Variants in CNOT4 observed in about 807,000 individuals in gnomAD.
CNOT4 encodes the protein CCR4-associated factor 4.
CNOT4 carries 8 observed loss-of-function variants against 73.8 expected under a neutral mutation model. The ratio of observed to expected loss-of-function variants is 0.11; its 90% CI spans 0.06 to 0.20. CNOT4 has a LOEUF of 0.20. Among genes scored for constraint, CNOT4 ranks in the 10% least tolerant of loss-of-function variants. The probability of loss-of-function intolerance (pLI) is 1.00; values close to 1 mark genes in which losing one functional copy is unlikely to be tolerated. For missense variants in CNOT4, 564 were observed against 883.4 expected (o/e 0.64, Z 4.58); for synonymous variants, 293 against 321.1 (o/e 0.91, Z 0.94).
intron 6 of CNOT4, among the ~76,000 whole-genome samples, chr7:135,411,130 ATTCTT>A (rs1797567638): frequency 6.6e-6 from 1 of 152,054 alleles, no homozygotes; most frequent in African/African-American, 2.4e-5. Context: ...GTTTTACTAT[ATTCTT>A]CATTATCTTG....
chr7:135,509,601 CA>C (rs1804611171), intron 1 of CNOT4: 1 of 154,692 alleles, frequency 6.5e-6, no homozygotes, highest in Non-Finnish European at 1.4e-5. Flanking sequence ...AGCTGGAGAC[CA>C]AAAGCCGCCT....
In CNOT4 at chr7:135,376,565, T is replaced by G. The variant is rs567112479; in HGVS notation, c.1628-12499A>C. On this transcript the variant is annotated intron_variant, in intron 10 of 11. Transcript: ENST00000541284. Reference sequence around the variant, plus strand: ...GTGCTTCCTATACAGCAAATCCCTTTATGGTTATATACCTATTGAAATTCC... The same window carrying G: ...GTGCTTCCTATACAGCAAATCCCTTGATGGTTATATACCTATTGAAATTCC... Among the ~76,000 whole-genome samples the G allele has an allele frequency of 3.7e-4, 57 of 152,312 alleles. 1 individual carries two copies. Among genetic ancestry groups the G allele is most frequent in the African/African-American group, 1.3e-3 (56 of 41,574 alleles).
At chr7:135,384,101 A>G (rs1007545130) in intron 10 of CNOT4, among the ~76,000 whole-genome samples, 1 of 151,948 alleles carries the variant, frequency 6.6e-6, no homozygotes, top group African/African-American at 2.4e-5. Flanking sequence ...TATTCTCACA[A>G]AAGACTTTTT....
intron 2 of CNOT4, among the ~76,000 whole-genome samples, chr7:135,424,162 G>GTA (rs1449111571): frequency 1.3e-5 from 2 of 151,172 alleles, no homozygotes; most frequent in African/African-American, 4.9e-5. Flanking sequence ...ATCTATTAAG[G>GTA]TAAGTTCAGT....
At chr7:135,507,389 T>C (rs1000123146) in intron 1 of CNOT4, among the ~76,000 whole-genome samples, 7 of 152,132 alleles carry the variant, frequency 4.6e-5, no homozygotes, top group African/African-American at 1.7e-4. Context: ...TAACGTTAGA[T>C]CAAAAAACTA....
chr7:135,491,802 G>A (rs1158790982), intron 1 of CNOT4, among the ~76,000 whole-genome samples: 1 of 152,178 alleles, frequency 6.6e-6, no homozygotes. Context: ...AGAGAGAAGG[G>A]AGAATGGCTA....
chr7:135,438,532 T>C, intron 1 of CNOT4, 109 bp from the exon 2 acceptor site: 1 of 392,864 alleles, frequency 2.5e-6, no homozygotes, highest in Non-Finnish European at 4.5e-6. Context: ...GAGCAACTAC[T>C]GTTATCAACC....
intron 7 of CNOT4, among the ~76,000 whole-genome samples, chr7:135,407,574 A>G (rs1797361216): frequency 6.6e-6 from 1 of 152,240 alleles, no homozygotes; most frequent in African/African-American, 2.4e-5. Context: ...TAGCCTAAGC[A>G]TTTTTCAAAT....
At position 135,362,565 on chromosome 7, in the gene CNOT4, T is replaced by C. The variant is rs1794694514; in HGVS notation, c.*320A>G. Reference sequence around the variant, plus strand: ...TTTTCTGCTAAGCAGATTATGTCATTATTATGCGCAACAGACAAACAATAA... The same window carrying C: ...TTTTCTGCTAAGCAGATTATGTCATCATTATGCGCAACAGACAAACAATAA... On this transcript the variant is annotated 3_prime_UTR_variant, in exon 12 of 12. Transcript: ENST00000541284. The C allele has an allele frequency of 4.4e-6, 2 of 454,186 alleles. No homozygotes were observed. Among genetic ancestry groups the C allele is most frequent in the East Asian group, 9.1e-5 (2 of 22,062 alleles). 28.1% of individuals were successfully genotyped at this position (454,186 alleles called of 1,614,324 possible).
At chr7:135,423,136 C>T (rs1236264199) in intron 2 of CNOT4, among the ~76,000 whole-genome samples, 1 of 152,100 alleles carries the variant, frequency 6.6e-6, no homozygotes, top group African/African-American at 2.4e-5. Flanking sequence ...ATTATTACTA[C>T]TAAAAACAAA....
At chr7:135,469,897 T>C (rs1359068765) in intron 1 of CNOT4, among the ~76,000 whole-genome samples, 1 of 151,960 alleles carries the variant, frequency 6.6e-6, no homozygotes, top group Admixed American at 6.6e-5. Context: ...TCTCAGCCCA[T>C]TGCAACCTCC....
At chr7:135,379,119 T>C (rs1196565942) in intron 10 of CNOT4, among the ~76,000 whole-genome samples, 1 of 152,078 alleles carries the variant, frequency 6.6e-6, no homozygotes, top group Admixed American at 6.6e-5. Context: ...GTAAATTACA[T>C]GGAGAAAGAA....
At chr7:135,420,478 G>A (rs1203351586) in intron 3 of CNOT4, among the ~76,000 whole-genome samples, 1 of 150,226 alleles carries the variant, frequency 6.7e-6, no homozygotes, top group Non-Finnish European at 1.5e-5. Flanking sequence ...CTGGGGGGCT[G>A]AGGCACAAGA....
intron 10 of CNOT4, among the ~76,000 whole-genome samples, chr7:135,367,422 C>T (rs1794974423): frequency 6.6e-6 from 1 of 152,142 alleles, no homozygotes. Flanking sequence ...AAGGCATCTC[C>T]ACAACTGGCT....
chr7:135,473,018 G>A (rs1341611893), intron 1 of CNOT4, among the ~76,000 whole-genome samples: 2 of 151,686 alleles, frequency 1.3e-5, no homozygotes, highest in African/African-American at 4.8e-5. Context: ...TCCAGCCTGG[G>A]TGACAGAGCA....
At chr7:135,425,258 G>C (rs1377722347) in intron 2 of CNOT4, among the ~76,000 whole-genome samples, 1 of 152,160 alleles carries the variant, frequency 6.6e-6, no homozygotes, top group Non-Finnish European at 1.5e-5. Context: ...GGCAGAATGT[G>C]ACAAACACCC....
intron 1 of CNOT4, among the ~76,000 whole-genome samples, chr7:135,498,475 TTAAAG>T (rs1309983152): frequency 1.3e-5 from 2 of 152,226 alleles, no homozygotes; most frequent in Non-Finnish European, 2.9e-5. Flanking sequence ...CATGCATATA[TTAAAG>T]TATTTTGCTG....
At position 135,438,324 on chromosome 7, in the gene CNOT4, C is replaced by T. The variant is rs750700433; in HGVS notation, c.8G>A (p.Arg3His). 1.3e-5 allele frequency: 21 copies of T among 1,598,960 alleles called. No homozygotes were observed. Among genetic ancestry groups the T allele is most frequent in the Admixed American group, 5.3e-5 (3 of 57,142 alleles). The change falls in exon 2 of 12, where the codon CGC (arginine) becomes CAC (histidine). Residue 3 changes from arginine to histidine, a missense_variant. This residue lies in a region of CNOT4 where 76 missense variants were observed against 208.7 expected (regional missense o/e 0.36). Coordinates refer to ENST00000541284, the MANE Select transcript of CNOT4 (RefSeq NM_001190850.2). The part of the protein sequence containing the change: MS[R>H]SPDAKEDPVE... ...AGGGTCTTCCTTCGCATCAGGACTG[C>T]GAGACATCTTCACGTTTATTAAACA...
intron 1 of CNOT4, among the ~76,000 whole-genome samples, chr7:135,489,731 T>C (rs1399610397): frequency 5.9e-5 from 9 of 152,128 alleles, no homozygotes; most frequent in Non-Finnish European, 1.5e-5. Context: ...TAGTCCCATA[T>C]GGCTAGTGGG....
Sources: gnomAD v4.1 joint callset for allele counts (sites outside exome capture counted in the v4.1 genomes callset) on GRCh38, gnomAD v4.1.1 for gene constraint, gnomAD v4.1.1 regional missense constraint, MANE v1.5 for transcripts, NCBI Gene and HGNC (gene_info 2026-07-23, HGNC 2026-07-21) for gene names.